CHST8: variants seen among roughly 807,000 people sequenced by gnomAD.
CHST8 encodes GALNAC-4-ST1.
In CHST8, 10 loss-of-function variants were observed where a neutral mutation model predicts 15.0. The observed-to-expected ratio is 0.67, with a 90% CI of 0.41 to 1.13. CHST8 has a LOEUF of 1.13. Ranked by LOEUF, CHST8 falls within the 50% of genes most tolerant of loss-of-function variation. The pLI is 0.00. For missense variants in CHST8, 634 were observed against 608.2 expected, an observed-to-expected ratio of 1.04 and a Z score of -0.45; for synonymous variants, 259 against 256.6, an observed-to-expected ratio of 1.01 and a Z score of -0.09.
At chr19:33,626,356 C>T (rs888632311) in intron 1 of CHST8, among the ~76,000 whole-genome samples, 4 of 151,972 alleles carry the variant, frequency 2.6e-5, no homozygotes, top group East Asian at 1.9e-4. Flanking sequence ...GGGAAGCCTC[C>T]GTGCAGGTGG....
intron 2 of CHST8, among the ~76,000 whole-genome samples, chr19:33,680,187 C>G (rs971536617): frequency 1.3e-5 from 2 of 152,216 alleles, no homozygotes; most frequent in African/African-American, 2.4e-5. Flanking sequence ...ATTTTTACTT[C>G]AAAAGGTTAT....
chr19:33,724,858 G>A (rs1474004689), intron 3 of CHST8, among the ~76,000 whole-genome samples: 1 of 152,192 alleles, frequency 6.6e-6, no homozygotes, highest in Non-Finnish European at 1.5e-5. Flanking sequence ...CTCCAAGGGT[G>A]GACTGTGGCC....
At chr19:33,730,361 G>C (rs936372678) in intron 3 of CHST8, among the ~76,000 whole-genome samples, 1 of 152,196 alleles carries the variant, frequency 6.6e-6, no homozygotes, top group Non-Finnish European at 1.5e-5. Context: ...TTCTCTCTCT[G>C]TACAATAGAT....
At chr19:33,716,071 T>G (rs1224606351) in intron 3 of CHST8, among the ~76,000 whole-genome samples, 3 of 152,236 alleles carry the variant, frequency 2.0e-5, no homozygotes, top group Non-Finnish European at 2.9e-5. Context: ...CACTTAACAC[T>G]GCAGGGTGGA....
intron 3 of CHST8, among the ~76,000 whole-genome samples, chr19:33,730,186 C>T (rs1009142341): frequency 2.6e-5 from 4 of 152,164 alleles, no homozygotes; most frequent in South Asian, 2.1e-4. Flanking sequence ...ATATTCCCGT[C>T]GAGAACCCGG....
intron 3 of CHST8, among the ~76,000 whole-genome samples, chr19:33,755,049 G>C (rs1974519422): frequency 6.6e-6 from 1 of 152,216 alleles, no homozygotes; most frequent in Non-Finnish European, 1.5e-5. Flanking sequence ...ATGCAGCAGA[G>C]CTAAAGGCTG....
At chr19:33,676,730 A>G (rs975460971) in intron 2 of CHST8, among the ~76,000 whole-genome samples, 1 of 151,842 alleles carries the variant, frequency 6.6e-6, no homozygotes, top group Non-Finnish European at 1.5e-5. Flanking sequence ...TTTGAAAATT[A>G]GCTGGGTGTT....
chr19:33,626,182 T>C (rs901168850), intron 1 of CHST8, among the ~76,000 whole-genome samples: 2 of 152,186 alleles, frequency 1.3e-5, no homozygotes, highest in Non-Finnish European at 2.9e-5. Context: ...TAAATCAGCA[T>C]GGCAGATCGT....
At chr19:33,726,790 C>T (rs1433940974) in intron 3 of CHST8, among the ~76,000 whole-genome samples, 5 of 151,776 alleles carry the variant, frequency 3.3e-5, no homozygotes, top group Admixed American at 6.6e-5. Context: ...GGCTAGGAGA[C>T]GTGGGCCAGG....
In CHST8 at chr19:33,772,523, G is replaced by C. The variant is rs748298620; in HGVS notation, c.735G>C (p.Leu245Phe). The C allele has an allele frequency of 6.2e-7, 1 of 1,613,990 alleles. No individual in the cohort carries two copies. The highest frequency in any genetic ancestry group is 8.5e-7 in the Non-Finnish European group (1 of 1,180,024). Residue 245 changes from leucine (L) to phenylalanine (F), a missense_variant, in exon 5 of 5, where the codon TTG (leucine) becomes TTC (phenylalanine). By Grantham distance (22) the Leu-to-Phe change is conservative. Coordinates refer to ENST00000650847, the MANE Select transcript of CHST8 (RefSeq NM_001127895.2). ...RLDTFDRQGI[L>F]HRLSTYTKML... ...ACACCTTCGACCGCCAGGGTATCTT[G>C]CACCGTCTCAGCACCTACACCAAGA...
At chr19:33,767,527 A>G (rs1224562216) in intron 3 of CHST8, among the ~76,000 whole-genome samples, 1 of 152,228 alleles carries the variant, frequency 6.6e-6, no homozygotes, top group African/African-American at 2.4e-5. Context: ...CACACTGTGG[A>G]ACACATTTGG....
intron 2 of CHST8, among the ~76,000 whole-genome samples, chr19:33,682,842 A>G (rs541889394): frequency 6.6e-6 from 1 of 152,346 alleles, no homozygotes; most frequent in Non-Finnish European, 1.5e-5. Context: ...GTGTTGCTGT[A>G]AAGAAATACT....
In CHST8 at chr19:33,772,883, G is replaced by A. The variant is rs1348321358; in HGVS notation, c.1095G>A (p.Pro365=). 2 of 1,613,476 alleles carry A rather than the reference G, an allele frequency of 1.2e-6. No individual in the cohort carries two copies. The highest frequency in any genetic ancestry group is 8.5e-7 in the Non-Finnish European group (1 of 1,180,034). ...ANFFLSLIRA[P]RNLTFPRFKD... ...TCTTCCTGAGCCTCATCCGCGCGCC[G>A]CGGAACCTGACCTTCCCCCGGTTCA... The change falls in exon 5 of 5, where the codon CCG becomes CCA. Residue 365 remains proline (P), a synonymous_variant. Coordinates refer to ENST00000650847, the MANE Select transcript of CHST8 (RefSeq NM_001127895.2).
intron 3 of CHST8, among the ~76,000 whole-genome samples, chr19:33,719,482 A>AAAGCTGAG (rs1973736695): frequency 6.6e-6 from 1 of 152,148 alleles, no homozygotes; most frequent in Non-Finnish European, 1.5e-5. Flanking sequence ...CACGAAGTCC[A>AAAGCTGAG]AAGCTGAGGG....
At chr19:33,693,751 G>A (rs1239062538) in intron 3 of CHST8, among the ~76,000 whole-genome samples, 3 of 151,970 alleles carry the variant, frequency 2.0e-5, no homozygotes, top group African/African-American at 7.2e-5. Flanking sequence ...GGTTTGGATT[G>A]GTTTTTGTTT....
intron 3 of CHST8, among the ~76,000 whole-genome samples, chr19:33,757,557 AAAG>A (rs1568359021): frequency 7.8e-6 from 1 of 127,882 alleles, no homozygotes; most frequent in Admixed American, 7.7e-5. Context: ...AGAAAGAAAG[AAAG>A]AAAGAAAGAA....
chr19:33,652,474 C>T (rs1429878262), intron 1 of CHST8, among the ~76,000 whole-genome samples: 1 of 144,092 alleles, frequency 6.9e-6, no homozygotes, highest in East Asian at 2.1e-4. Flanking sequence ...CTCCTGGGTT[C>T]AAGCAATTAT....
chr19:33,742,408 A>G (rs1005173932), intron 3 of CHST8, among the ~76,000 whole-genome samples: 9 of 152,188 alleles, frequency 5.9e-5, no homozygotes, highest in African/African-American at 2.2e-4. Flanking sequence ...CAGAAGGCGA[A>G]GGGGTAGCAG....
chr19:33,702,767 G>A (rs1418902937), intron 3 of CHST8, among the ~76,000 whole-genome samples: 2 of 152,236 alleles, frequency 1.3e-5, no homozygotes, highest in African/African-American at 4.8e-5. Flanking sequence ...GGTCTCAGGT[G>A]TGGAGTGACC....
Sources: gnomAD v4.1 joint callset for allele counts (sites outside exome capture counted in the v4.1 genomes callset) on GRCh38, gnomAD v4.1.1 for gene constraint, MANE v1.5 for transcripts, NCBI Gene and HGNC (gene_info 2026-07-23, HGNC 2026-07-21) for gene names.